DCTN4: variants seen among roughly 807,000 people sequenced by gnomAD.
DCTN4 encodes the protein dynactin subunit 4.
A neutral mutation model predicts 62.7 loss-of-function variants in DCTN4; 23 were observed. The observed-to-expected ratio is 0.37, with a 90% CI of 0.26 to 0.52. DCTN4 has a LOEUF of 0.52. Among genes scored for constraint, DCTN4 ranks in the 20% least tolerant of loss-of-function variants. The probability of loss-of-function intolerance (pLI) is 0.92; values close to 1 mark genes in which losing one functional copy is unlikely to be tolerated. For missense variants in DCTN4, 514 were observed against 580.4 expected (o/e 0.89, Z 1.18); for synonymous variants, 199 against 202.1 (o/e 0.98, Z 0.13).
chr5:150,734,715 T>C (rs1760512318), intron 4 of DCTN4, among the ~76,000 whole-genome samples: 1 of 151,676 alleles, frequency 6.6e-6, no homozygotes, highest in Non-Finnish European at 1.5e-5. Flanking sequence ...AGGGGCGGAG[T>C]CCAAAAGGCT....
chr5:150,714,568 G>T (rs1436546901), intron 12 of DCTN4, among the ~76,000 whole-genome samples: 1 of 133,518 alleles, frequency 7.5e-6, no homozygotes, highest in South Asian at 2.2e-4. Flanking sequence ...TGTAGAGACG[G>T]AGTCTTAACT....
At chr5:150,755,720 C>T (rs1322655264) in intron 2 of DCTN4, among the ~76,000 whole-genome samples, 2 of 152,060 alleles carry the variant, frequency 1.3e-5, no homozygotes, top group African/African-American at 4.8e-5. Context: ...AGAGACATAA[C>T]TATAAATATA....
intron 4 of DCTN4, among the ~76,000 whole-genome samples, chr5:150,737,848 A>T (rs4036950): frequency 0.14 from 20,719 of 152,162 alleles, 2,425 homozygotes; most frequent in African/African-American, 0.31. Context: ...CTTTGAAAAG[A>T]TAAACCAAAT....
chr5:150,708,584 T>C lies in DCTN4; in HGVS notation c.*2565A>G, dbSNP rs1304957287. 1 of 152,684 alleles carries C rather than the reference T, an allele frequency of 6.5e-6. No homozygotes were observed. Among genetic ancestry groups the C allele is most frequent in the African/African-American group, 2.4e-5 (1 of 41,450 alleles). The allele number at this position is 152,684 out of a possible 1,614,324, so 9.5% of individuals were successfully genotyped here. On this transcript the variant is annotated 3_prime_UTR_variant, in exon 13 of 13. Coordinates refer to ENST00000447998, the MANE Select transcript of DCTN4 (RefSeq NM_016221.4). ...CTCAAAGCAACATCTACTTATATAT[T>C]ATGGTGAACTAACCTGCTAAGAGAT...
intron 4 of DCTN4, 104 bp downstream of exon 4, chr5:150,742,010 G>T: frequency 1.1e-6 from 1 of 948,390 alleles, no homozygotes; most frequent in Non-Finnish European, 1.7e-6. Context: ...ACGTATTATG[G>T]ACTTATAAAC....
intron 2 of DCTN4, 21 bp downstream of exon 2, chr5:150,756,396 A>G: frequency 6.5e-7 from 1 of 1,544,856 alleles, no homozygotes; most frequent in Non-Finnish European, 8.7e-7. Context: ...GGAAGAAAAA[A>G]AAAATCAGTC....
At chr5:150,717,970 C>A (rs574549687) in intron 11 of DCTN4, among the ~76,000 whole-genome samples, 60 of 152,282 alleles carry the variant, frequency 3.9e-4, no homozygotes, top group African/African-American at 1.4e-3. Context: ...GACCAGCATG[C>A]ACAGAGTTAG....
intron 3 of DCTN4, among the ~76,000 whole-genome samples, chr5:150,742,400 T>C (rs1760800110): frequency 6.6e-6 from 1 of 152,236 alleles, no homozygotes; most frequent in African/African-American, 2.4e-5. Flanking sequence ...CATTTCCTTT[T>C]ATTCTCATAA....
rs566753992 is a variant in DCTN4, at chr5:150,744,635, T to C, written c.386-2478A>G. Among the ~76,000 whole-genome samples the C allele has an allele frequency of 8.6e-4, 131 of 151,770 alleles. 1 individual carries two copies. The highest frequency in any genetic ancestry group is 3.0e-3 in the African/African-American group (125 of 41,252). On this transcript the variant is annotated intron_variant, in intron 3 of 12. Transcript: ENST00000447998. ...GCCAGAAGAGAGTGGGGGCCAATAT[T>C]CAACATTCTTAAAGACAAGAATTTT...
In DCTN4 at chr5:150,740,194, A is replaced by G. The variant is rs114252993; in HGVS notation, c.429+1920T>C. On this transcript the variant is annotated intron_variant, in intron 4 of 12. Coordinates refer to ENST00000447998, the MANE Select transcript of DCTN4 (RefSeq NM_016221.4). ...CATCCAACAAAGGACTAATATCTCA[A>G]GTCTACAAGACACTCAAACAAATCA... is the stretch of plus-strand genomic sequence containing the variant. Among the ~76,000 whole-genome samples, 862 of 152,310 alleles carry G rather than the reference A, an allele frequency of 5.7e-3. 8 individuals are homozygous for G. Among genetic ancestry groups the G allele is most frequent in the African/African-American group, 0.02 (818 of 41,558 alleles).
intron 3 of DCTN4, among the ~76,000 whole-genome samples, chr5:150,743,467 T>G (rs1760845513): frequency 6.6e-6 from 1 of 152,196 alleles, no homozygotes; most frequent in Non-Finnish European, 1.5e-5. Context: ...AGCACGCAGC[T>G]GGAGATCTGA....
Position 150,758,855 on chromosome 5 carries a change from T to C in DCTN4, c.135+4A>G, listed in dbSNP as rs777322983. 5.6e-6 allele frequency: 9 copies of C among 1,612,756 alleles called. No individual in the cohort carries two copies. The Admixed American group carries it at 1.3e-4, about 24-fold the overall frequency. On this transcript the variant is annotated splice_donor_region_variant and intron_variant, in intron 1 of 12. Coordinates refer to ENST00000447998, the MANE Select transcript of DCTN4 (RefSeq NM_016221.4). ...ACATACTCGCTATAGGGCGACTCTG[T>C]TACCTCGTGAGACACACATTCCAGC...
intron 8 of DCTN4, among the ~76,000 whole-genome samples, chr5:150,723,736 ATCTG>A (rs1760035712): frequency 6.6e-6 from 1 of 152,238 alleles, no homozygotes; most frequent in Admixed American, 6.5e-5. Flanking sequence ...ATTACCCATT[ATCTG>A]TCTGTCCCCT....
chr5:150,713,735 C>T (rs1463098956), intron 12 of DCTN4, among the ~76,000 whole-genome samples: 1 of 152,016 alleles, frequency 6.6e-6, no homozygotes, highest in African/African-American at 2.4e-5. Context: ...TCAGCCACCA[C>T]ACCTGGCTTC....
intron 3 of DCTN4, among the ~76,000 whole-genome samples, chr5:150,744,585 G>A (rs560553763): frequency 9.9e-5 from 15 of 152,090 alleles, no homozygotes; most frequent in South Asian, 8.3e-4. Flanking sequence ...GACTAACAGC[G>A]GATCTCTCAG....
intron 1 of DCTN4, 73 bp downstream of exon 1, chr5:150,758,786 T>C: frequency 6.3e-7 from 1 of 1,576,280 alleles, no homozygotes. Flanking sequence ...GCTCCAGCCT[T>C]CCGGTGGCAG....
chr5:150,742,044 T>C, intron 4 of DCTN4, 70 bp downstream of exon 4: 3 of 1,348,400 alleles, frequency 2.2e-6, no homozygotes, highest in African/African-American at 2.9e-5. Flanking sequence ...ACCCATAAAA[T>C]GCAAGATCTT....
chr5:150,711,030 A>T lies in DCTN4; in HGVS notation c.*119T>A, dbSNP rs904885562. ...TATGCTCCCACTTTCTTAGCAATAG[A>T]ATTCCGTAGTGCATGGGTACATCGT... On this transcript the variant is annotated 3_prime_UTR_variant, in exon 13 of 13. Coordinates refer to ENST00000447998, the MANE Select transcript of DCTN4 (RefSeq NM_016221.4). 9 of 976,204 alleles carry T rather than the reference A, an allele frequency of 9.2e-6. No homozygotes were observed. The highest frequency in any genetic ancestry group is 3.1e-6 in the Non-Finnish European group (2 of 653,026). The allele number at this position is 976,204 out of a possible 1,614,324, so 60.5% of individuals were successfully genotyped here.
At chr5:150,731,589 A>T in intron 5 of DCTN4, 100 bp from the exon 6 acceptor site, 1 of 886,558 alleles carries the variant, frequency 1.1e-6, no homozygotes, top group Non-Finnish European at 1.7e-6. Flanking sequence ...AAGCTCAGGG[A>T]AATAAGCAAA....
Sources: allele counts gnomAD v4.1 joint callset (sites outside exome capture counted in the v4.1 genomes callset), GRCh38; gene constraint gnomAD v4.1.1; transcripts MANE v1.5; gene names NCBI Gene and HGNC (gene_info 2026-07-23, HGNC 2026-07-21).